Variants in AMACR observed in about 807,000 individuals in gnomAD.
AMACR encodes the protein alpha-methylacyl-CoA racemase, also known as 2-methylacyl-CoA racemase.
Under a neutral mutation model 22.2 loss-of-function variants are expected in AMACR, and 18 were observed. That is an observed-to-expected ratio of 0.81 (90% CI 0.56 to 1.20). The LOEUF is 1.20. Among genes scored for constraint, AMACR ranks in the 50% most tolerant of loss-of-function variants. The pLI, the probability that AMACR is intolerant of heterozygous loss-of-function variation, is 0.00. For synonymous variants in AMACR, 213 were observed against 191.3 expected (o/e 1.11, Z -0.94); for missense variants, 499 against 490.6 (o/e 1.02, Z -0.16).
intron 4 of AMACR, among the ~76,000 whole-genome samples, chr5:33,996,112 C>A (rs1753624910): frequency 6.6e-6 from 1 of 152,028 alleles, no homozygotes; most frequent in South Asian, 2.1e-4. Flanking sequence ...ATTCTCAGGG[C>A]TTGTCTTTCT....
chr5:33,991,588 G>A (rs529443084), intron 4 of AMACR, among the ~76,000 whole-genome samples: 1 of 151,538 alleles, frequency 6.6e-6, no homozygotes, highest in African/African-American at 2.4e-5. Context: ...ACACACACAC[G>A]TTACACAAAA....
intron 4 of AMACR, chr5:33,997,025 T>C: frequency 1.5e-6 from 1 of 654,610 alleles, no homozygotes; most frequent in East Asian, 2.7e-5. Flanking sequence ...ACGTTTATTT[T>C]CATTAAAACT....
chr5:34,004,446 C>T, intron 3 of AMACR, 128 bp downstream of exon 3: 2 of 1,215,650 alleles, frequency 1.6e-6, no homozygotes, highest in Non-Finnish European at 2.4e-6. Context: ...AAAGGATATC[C>T]TTGGTAACCT....
At position 33,988,536 on chromosome 5, in the gene AMACR, G is replaced by A; in HGVS notation, c.*557C>T. The A allele has an allele frequency of 7.2e-7, 1 of 1,391,344 alleles. No homozygotes were observed. Among genetic ancestry groups the A allele is most frequent in the Non-Finnish European group, 9.3e-7 (1 of 1,076,412 alleles). 86.2% of individuals were successfully genotyped at this position (1,391,344 alleles called of 1,614,324 possible). A position where few individuals can be genotyped will look rare whatever the true frequency, so the allele number is the denominator to read the frequency against. On this transcript the variant is annotated 3_prime_UTR_variant, in exon 5 of 5. Coordinates refer to ENST00000335606, the MANE Select transcript of AMACR (RefSeq NM_014324.6). ...TTGGATATGTTTTTTTCAGTTGAAG[G>A]CATTCTGATTCAATACAGGTGAAAC...
At chr5:33,998,566 A>T in intron 4 of AMACR, 75 bp downstream of exon 4, 1 of 1,479,322 alleles carries the variant, frequency 6.8e-7, no homozygotes, top group Non-Finnish European at 9.1e-7. Context: ...CCTAGATGCC[A>T]AAAGTCTTTA....
At chr5:34,004,862 A>C (rs752030727) in intron 2 of AMACR, 128 bp from the exon 3 acceptor site, 10 of 1,104,146 alleles carry the variant, frequency 9.1e-6, no homozygotes, top group Non-Finnish European at 1.3e-5. Context: ...AGTATACATC[A>C]CTTTTCCAAA....
intron 1 of AMACR, among the ~76,000 whole-genome samples, chr5:34,006,839 C>A (rs1753994833): frequency 6.6e-6 from 1 of 152,232 alleles, no homozygotes; most frequent in South Asian, 2.1e-4. Context: ...ATAGACCAGG[C>A]AATGCTTTGG....
chr5:33,996,354 A>G (rs1210607797), intron 4 of AMACR, among the ~76,000 whole-genome samples: 1 of 152,198 alleles, frequency 6.6e-6, no homozygotes, highest in Admixed American at 6.5e-5. Flanking sequence ...GCACACGTAC[A>G]CACGCAGGGC....
Position 33,988,130 on chromosome 5 carries a change from G to A in AMACR, c.*963C>T, listed in dbSNP as rs6898962. The A allele has an allele frequency of 0.016, 8,796 of 560,132 alleles. 625 individuals are homozygous for A. Among genetic ancestry groups the A allele is most frequent in the African/African-American group, 0.15 (7,960 of 53,346 alleles). The allele number at this position is 560,132 out of a possible 1,614,324, so 34.7% of individuals were successfully genotyped here. Reference sequence around the variant, plus strand: ...TCTGATGGCACCCGGATTAGATTGTGGAATCTACCCCTTCCTCACATGCCT... The same window carrying A: ...TCTGATGGCACCCGGATTAGATTGTAGAATCTACCCCTTCCTCACATGCCT... On this transcript the variant is annotated 3_prime_UTR_variant, in exon 5 of 5. Coordinates refer to ENST00000335606, the MANE Select transcript of AMACR (RefSeq NM_014324.6).
chr5:33,988,392 A>C lies in AMACR; in HGVS notation c.*701T>G, dbSNP rs778486229. ...GAGAAATCAAACACATGGAGAAAGGAAAGCTGACAGCCCAGAGACCCACGG... is the reference window on the plus strand; with the variant it reads ...GAGAAATCAAACACATGGAGAAAGGCAAGCTGACAGCCCAGAGACCCACGG... On this transcript the variant is annotated 3_prime_UTR_variant, in exon 5 of 5. Transcript: ENST00000335606. 2 of 1,537,722 alleles carry C rather than the reference A, an allele frequency of 1.3e-6. No individual in the cohort carries two copies. Among genetic ancestry groups the C allele is most frequent in the African/African-American group, 2.7e-5 (2 of 73,080 alleles).
At chr5:34,000,635 T>C (rs1372160871) in intron 3 of AMACR, among the ~76,000 whole-genome samples, 1 of 152,108 alleles carries the variant, frequency 6.6e-6, no homozygotes, top group Non-Finnish European at 1.5e-5. Context: ...GTAGCGGGAT[T>C]ACAGGTGCCT....
chr5:33,988,433 G>A lies in AMACR; in HGVS notation c.*660C>T. On this transcript the variant is annotated 3_prime_UTR_variant, in exon 5 of 5. Transcript: ENST00000335606. ...AGACCCACGGGGAAACAGGCCCCGA[G>A]TTACTGGATACAGGCAACCCTAAAA... 2.0e-6 allele frequency: 3 copies of A among 1,535,454 alleles called. No homozygotes were observed. The highest frequency in any genetic ancestry group is 2.4e-5 in the South Asian group (2 of 83,810).
chr5:33,998,666 G>C lies in AMACR; in HGVS notation c.714C>G (p.Pro238=), dbSNP rs200824585. Residue 238 remains proline (P), a synonymous_variant, in exon 4 of 5, where the codon CCC becomes CCG. Coordinates refer to ENST00000335606, the MANE Select transcript of AMACR (RefSeq NM_014324.6). ...CTTTGATCAGCAGCTCGTAGAACTG[G>C]GGTTCTATTGCTCCAACAGCCATGA... ...GEFMAVGAIE[P]QFYELLIKGL... is the part of the protein sequence containing the mutation. 21 of 1,611,556 alleles carry C rather than the reference G, an allele frequency of 1.3e-5. No homozygotes were observed. The highest frequency in any genetic ancestry group is 6.7e-5 in the East Asian group (3 of 44,846).
chr5:33,988,350 C>T lies in AMACR; in HGVS notation c.*743G>A, dbSNP rs777508901. 1.3e-6 allele frequency: 2 copies of T among 1,541,346 alleles called. No homozygotes were observed. Among genetic ancestry groups the T allele is most frequent in the Admixed American group, 3.9e-5 (2 of 51,366 alleles). On this transcript the variant is annotated 3_prime_UTR_variant, in exon 5 of 5. Transcript: ENST00000335606. ...TGTGTGTTGGGTATAAGATCCAGAA[C>T]TTGCTACCAGCCTGAGGAGAAATCA...
At chr5:34,006,836 A>G (rs1209418242) in intron 1 of AMACR, among the ~76,000 whole-genome samples, 1 of 152,258 alleles carries the variant, frequency 6.6e-6, no homozygotes, top group Non-Finnish European at 1.5e-5. Context: ...ACTATAGACC[A>G]GGCAATGCTT....
At chr5:34,005,455 G>C (rs1753944222) in intron 2 of AMACR, among the ~76,000 whole-genome samples, 1 of 152,162 alleles carries the variant, frequency 6.6e-6, no homozygotes, top group South Asian at 2.1e-4. Context: ...ACCATCCGTA[G>C]TACCCAGTAA....
chr5:34,002,190 T>C (rs1753839405), intron 3 of AMACR, among the ~76,000 whole-genome samples: 1 of 151,738 alleles, frequency 6.6e-6, no homozygotes, highest in Non-Finnish European at 1.5e-5. Flanking sequence ...AGAGATGGGG[T>C]TTCACCATGT....
At chr5:33,996,996 T>C in intron 4 of AMACR, 1 of 614,080 alleles carries the variant, frequency 1.6e-6, no homozygotes, top group South Asian at 1.9e-5. Context: ...AAATGTCCAG[T>C]ATTTTTTTTT....
chr5:34,005,985 C>T, intron 1 of AMACR, 86 bp from the exon 2 acceptor site: 2 of 1,465,546 alleles, frequency 1.4e-6, no homozygotes, highest in Non-Finnish European at 9.5e-7. Context: ...TAAAATAGCA[C>T]CATTGCAAGT....
Sources: gnomAD v4.1 joint callset for allele counts (sites outside exome capture counted in the v4.1 genomes callset) on GRCh38, gnomAD v4.1.1 for gene constraint, MANE v1.5 for transcripts, NCBI Gene and HGNC (gene_info 2026-07-23, HGNC 2026-07-21) for gene names.